CSMD3: variants seen among roughly 807,000 people sequenced by gnomAD.
CSMD3 encodes the protein CUB and sushi domain-containing protein 3.
A neutral mutation model predicts 435.2 loss-of-function variants in CSMD3; 177 were observed. The ratio of observed to expected loss-of-function variants is 0.41; its 90% CI spans 0.36 to 0.46. CSMD3 has a LOEUF of 0.46. Ranked by LOEUF, CSMD3 falls within the 20% of genes least tolerant of loss-of-function variation. CSMD3 has a pLI of 0.34. For synonymous variants in CSMD3, 1,656 were observed against 1,520.5 expected (o/e 1.09, Z -2.07); for missense variants, 4,265 against 4,504.6 (o/e 0.95, Z 1.52).
At chr8:113,132,847 C>A (rs1387009637) in intron 4 of CSMD3, among the ~76,000 whole-genome samples, 1 of 152,116 alleles carries the variant, frequency 6.6e-6, no homozygotes, top group African/African-American at 2.4e-5. Flanking sequence ...AATTATTACG[C>A]TATATGCCTT....
intron 2 of CSMD3, among the ~76,000 whole-genome samples, chr8:113,287,772 TA>T (rs2093657407): frequency 6.6e-6 from 1 of 152,074 alleles, no homozygotes; most frequent in Admixed American, 6.6e-5. Context: ...GAATTCTTAT[TA>T]AAAACAAGCA....
chr8:112,372,968 AAAAT>A (rs1451254318), intron 38 of CSMD3, among the ~76,000 whole-genome samples: 3 of 115,902 alleles, frequency 2.6e-5, no homozygotes, highest in Non-Finnish European at 5.9e-5. Context: ...GCCAGCAGAA[AAAAT>A]ATATATATAT....
rs548512730 is a variant in CSMD3, at chr8:112,835,303, C to G, written c.1756-5514G>C. On this transcript the variant is annotated intron_variant, in intron 11 of 70. Transcript: ENST00000297405. ...TTGCACAGATAATTTAATACCATAA[C>G]TTCTACATTGTCATATTTTCTGAAG... 4.2e-4 allele frequency among the ~76,000 whole-genome samples: 64 copies of G among 151,988 alleles called. 1 individual carries two copies. The highest frequency in any genetic ancestry group is 1.5e-3 in the African/African-American group (62 of 41,540).
chr8:112,262,207 C>T (rs113348185), intron 61 of CSMD3, among the ~76,000 whole-genome samples: 5 of 151,912 alleles, frequency 3.3e-5, no homozygotes, highest in African/African-American at 1.2e-4. Context: ...GAACTAATTG[C>T]CTTGCAGACT....
At chr8:112,304,535 T>C (rs1563763853) in intron 52 of CSMD3, among the ~76,000 whole-genome samples, 186 bp downstream of exon 52, 1 of 152,152 alleles carries the variant, frequency 6.6e-6, no homozygotes, top group Non-Finnish European at 1.5e-5. Context: ...TTTTTCTATT[T>C]GCTAGAAAAG....
intron 1 of CSMD3, among the ~76,000 whole-genome samples, chr8:113,343,750 GA>G (rs1166669489): frequency 6.6e-6 from 1 of 152,028 alleles, no homozygotes; most frequent in African/African-American, 2.4e-5. Context: ...AATGGGCCAA[GA>G]AAAAAATCAT....
At chr8:112,499,313 A>T (rs1821694754) in intron 30 of CSMD3, among the ~76,000 whole-genome samples, 1 of 152,218 alleles carries the variant, frequency 6.6e-6, no homozygotes, top group Admixed American at 6.5e-5. Flanking sequence ...TTCATAATAT[A>T]TAAACAAAGT....
chr8:112,513,277 T>G (rs896929603), intron 28 of CSMD3, among the ~76,000 whole-genome samples: 2 of 152,192 alleles, frequency 1.3e-5, no homozygotes, highest in African/African-American at 4.8e-5. Flanking sequence ...CTCACTAAGC[T>G]TCATCATTTC....
chr8:112,555,672 T>A (rs901959189), intron 25 of CSMD3, among the ~76,000 whole-genome samples: 2 of 151,998 alleles, frequency 1.3e-5, no homozygotes, highest in African/African-American at 4.8e-5. Flanking sequence ...AGAGGTCTCA[T>A]AGCATCAAAA....
chr8:112,830,397 T>G (rs900251839), intron 11 of CSMD3, among the ~76,000 whole-genome samples: 3 of 152,156 alleles, frequency 2.0e-5, no homozygotes, highest in Non-Finnish European at 4.4e-5. Context: ...CACTATACCA[T>G]GCTATGTAAT....
intron 4 of CSMD3, among the ~76,000 whole-genome samples, chr8:113,153,126 AGAAAGAAGGAAG>A (rs2091858130): frequency 3.1e-5 from 2 of 64,070 alleles, no homozygotes; most frequent in Non-Finnish European, 5.5e-5. Flanking sequence ...AGAAAGAAAG[AGAAAGAAGGAAG>A]GAAGGAAGGA....
chr8:112,863,385 A>G (rs1175869744), intron 10 of CSMD3, among the ~76,000 whole-genome samples: 1 of 151,860 alleles, frequency 6.6e-6, no homozygotes, highest in Non-Finnish European at 1.5e-5. Flanking sequence ...CATTTATAGT[A>G]AATTCTATAT....
intron 4 of CSMD3, among the ~76,000 whole-genome samples, chr8:113,113,303 G>A (rs1564330098): frequency 6.6e-6 from 1 of 152,130 alleles, no homozygotes; most frequent in African/African-American, 2.4e-5. Flanking sequence ...TTAAACTGCT[G>A]ACCTCAGTGC....
Position 112,448,801 on chromosome 8 carries a change from T to C in CSMD3, c.5395+23790A>G, listed in dbSNP as rs148742127. Among the ~76,000 whole-genome samples, 364 of 150,608 alleles carry C rather than the reference T, an allele frequency of 2.4e-3. 3 individuals are homozygous for C. The highest frequency in any genetic ancestry group is 7.3e-3 in the African/African-American group (298 of 40,864). ...AAACCAAAAACCTCTACTGGAGTTC[T>C]AGGATTAATTGGTTTCTTACAGCAT... is the stretch of plus-strand genomic sequence containing the variant. On this transcript the variant is annotated intron_variant, in intron 32 of 70. Coordinates refer to ENST00000297405, the MANE Select transcript of CSMD3 (RefSeq NM_198123.2).
chr8:112,513,920 T>C (rs1027000718), intron 28 of CSMD3, among the ~76,000 whole-genome samples: 14 of 152,144 alleles, frequency 9.2e-5, no homozygotes, highest in Admixed American at 2.0e-4. Flanking sequence ...AGAAACAGTA[T>C]AGAGATGCAT....
At chr8:112,787,202 A>C (rs13277187) in intron 13 of CSMD3, among the ~76,000 whole-genome samples, 31,148 of 152,082 alleles carry the variant, frequency 0.2, 4,021 homozygotes, top group Non-Finnish European at 0.3. Context: ...ATATGTGTGC[A>C]TGTGTCTTTA....
In CSMD3 at chr8:113,336,887, G is replaced by C. The variant is rs532438341; in HGVS notation, c.179-22094C>G. On this transcript the variant is annotated intron_variant, in intron 1 of 70. Coordinates refer to ENST00000297405, the MANE Select transcript of CSMD3 (RefSeq NM_198123.2). ...GCTCTTTCAAGCACCACCACAGTGA[G>C]GGTGTTGGAACACCTTCTTGTAGCC... Among the ~76,000 whole-genome samples, 3 of 152,108 alleles carry C rather than the reference G, an allele frequency of 2.0e-5. No individual in the cohort carries two copies. In the South Asian group the frequency reaches 6.2e-4, roughly 31 times the overall value.
intron 17 of CSMD3, among the ~76,000 whole-genome samples, chr8:112,661,046 T>C (rs1352469681): frequency 6.6e-6 from 1 of 152,156 alleles, no homozygotes; most frequent in Non-Finnish European, 1.5e-5. Context: ...ACAAGACTGA[T>C]TATTGTTCCT....
chr8:112,397,029 T>G (rs1830912680), intron 35 of CSMD3, among the ~76,000 whole-genome samples: 1 of 152,190 alleles, frequency 6.6e-6, no homozygotes, highest in African/African-American at 2.4e-5. Flanking sequence ...AGAGAACACT[T>G]TGATATTAAC....
Sources: gnomAD v4.1 joint callset for allele counts (sites outside exome capture counted in the v4.1 genomes callset) on GRCh38, gnomAD v4.1.1 for gene constraint, MANE v1.5 for transcripts, NCBI Gene and HGNC (gene_info 2026-07-23, HGNC 2026-07-21) for gene names.